Variants in PTPRD observed in about 807,000 individuals in gnomAD.
PTPRD encodes receptor-type tyrosine-protein phosphatase delta.
Under a neutral mutation model 214.5 loss-of-function variants are expected in PTPRD, and 34 were observed. That is an observed-to-expected ratio of 0.16 (90% CI 0.12 to 0.21). The LOEUF (loss-of-function observed/expected upper bound fraction) is 0.21, where lower values mean the gene tolerates loss of function less well. Among genes scored for constraint, PTPRD ranks in the 10% least tolerant of loss-of-function variants. The pLI is 1.00. For missense variants in PTPRD, 2,545 were observed against 2,398.7 expected (o/e 1.06, Z -1.27); for synonymous variants, 1,128 against 845.7 (o/e 1.33, Z -5.79).
intron 8 of PTPRD, among the ~76,000 whole-genome samples, chr9:9,430,235 A>C (rs2143012198): frequency 6.6e-6 from 1 of 152,304 alleles, no homozygotes; most frequent in South Asian, 2.1e-4. Flanking sequence ...TGCAAAAATC[A>C]CAAGCATTCC....
intron 11 of PTPRD, among the ~76,000 whole-genome samples, chr9:8,787,636 C>T (rs533170134): frequency 2.6e-5 from 4 of 152,078 alleles, no homozygotes; most frequent in South Asian, 2.1e-4. Context: ...GGTAGAGAAA[C>T]GGAGCAGGAG....
intron 11 of PTPRD, among the ~76,000 whole-genome samples, chr9:8,865,882 G>A (rs2098187805): frequency 6.6e-6 from 1 of 152,094 alleles, no homozygotes; most frequent in South Asian, 2.1e-4. Context: ...GAGTCTAACG[G>A]GAGTGGATGG....
At chr9:8,604,066 G>C (rs910101809) in intron 14 of PTPRD, among the ~76,000 whole-genome samples, 1 of 152,116 alleles carries the variant, frequency 6.6e-6, no homozygotes, top group Admixed American at 6.5e-5. Flanking sequence ...TCAGCTTCCA[G>C]CATATCATAC....
chr9:10,072,801 C>A (rs1369390653), intron 3 of PTPRD, among the ~76,000 whole-genome samples: 1 of 152,122 alleles, frequency 6.6e-6, no homozygotes, highest in Non-Finnish European at 1.5e-5. Context: ...TGCAAAGCTA[C>A]ATGAAGTCTT....
chr9:10,332,799 T>C (rs1014706994), intron 3 of PTPRD, among the ~76,000 whole-genome samples: 10 of 151,816 alleles, frequency 6.6e-5, no homozygotes, highest in Non-Finnish European at 1.3e-4. Flanking sequence ...AACCACTGTG[T>C]CATGAGCCTC....
intron 3 of PTPRD, among the ~76,000 whole-genome samples, chr9:10,177,727 G>T (rs756405932): frequency 1.3e-5 from 2 of 151,732 alleles, no homozygotes; most frequent in Non-Finnish European, 2.9e-5. Flanking sequence ...TTGAATTGGG[G>T]TATGTTCTTT....
At chr9:8,706,223 A>C (rs2154399801) in intron 12 of PTPRD, among the ~76,000 whole-genome samples, 1 of 152,328 alleles carries the variant, frequency 6.6e-6, no homozygotes, top group East Asian at 1.9e-4. Context: ...TGATCAAACC[A>C]AGCTTACTAC....
At chr9:8,689,796 TA>T (rs1262061350) in intron 12 of PTPRD, among the ~76,000 whole-genome samples, 2 of 152,190 alleles carry the variant, frequency 1.3e-5, no homozygotes, top group Admixed American at 1.3e-4. Flanking sequence ...GAAGAGGGAA[TA>T]CTTATTTGGA....
intron 2 of PTPRD, among the ~76,000 whole-genome samples, chr9:10,369,840 G>A (rs925993800): frequency 6.6e-6 from 1 of 151,898 alleles, no homozygotes; most frequent in African/African-American, 2.4e-5. Context: ...CTATCTCTCG[G>A]TTAAGTTTTA....
chr9:9,591,262 G>C (rs1424358271), intron 7 of PTPRD, among the ~76,000 whole-genome samples: 1 of 151,892 alleles, frequency 6.6e-6, no homozygotes, highest in Non-Finnish European at 1.5e-5. Context: ...CATATGGAAG[G>C]CATGAAAGGG....
intron 3 of PTPRD, among the ~76,000 whole-genome samples, chr9:10,306,885 G>A (rs2096088809): frequency 6.6e-6 from 1 of 151,914 alleles, no homozygotes; most frequent in Non-Finnish European, 1.5e-5. Flanking sequence ...ATCAAACTAT[G>A]TTTATACAAA....
At chr9:8,863,021 C>G (rs1379945300) in intron 11 of PTPRD, among the ~76,000 whole-genome samples, 2 of 152,098 alleles carry the variant, frequency 1.3e-5, no homozygotes, top group African/African-American at 2.4e-5. Flanking sequence ...ACGTATGTAA[C>G]TAACCTGCAC....
At chr9:9,248,552 T>TA (rs2099974051) in intron 9 of PTPRD, among the ~76,000 whole-genome samples, 2 of 152,078 alleles carry the variant, frequency 1.3e-5, no homozygotes, top group Non-Finnish European at 2.9e-5. Flanking sequence ...TCTGATGTCT[T>TA]AGAGTTTTAG....
At chr9:9,199,682 G>A (rs144166295) in intron 9 of PTPRD, among the ~76,000 whole-genome samples, 2 of 152,162 alleles carry the variant, frequency 1.3e-5, no homozygotes, top group African/African-American at 2.4e-5. Context: ...AATATGCCTA[G>A]AGTCACAGAG....
At chr9:10,112,268 G>C (rs556698952) in intron 3 of PTPRD, among the ~76,000 whole-genome samples, 1 of 152,266 alleles carries the variant, frequency 6.6e-6, no homozygotes, top group East Asian at 1.9e-4. Context: ...GGGTTTCTTG[G>C]AGCATGTGGT....
rs191099113 is a variant in PTPRD, at chr9:10,568,938, A to T, written c.-600+43460T>A. 4.2e-3 allele frequency among the ~76,000 whole-genome samples: 638 copies of T among 152,232 alleles called. 5 individuals carry two copies. Among genetic ancestry groups the T allele is most frequent in the African/African-American group, 0.015 (606 of 41,560 alleles). ...TTGACAAATGGGATCTAATTAAACT[A>T]AAGAGCTTCTGCACAGCAAAAGAAA... is the stretch of plus-strand genomic sequence containing the variant. On this transcript the variant is annotated intron_variant, in intron 2 of 45. Coordinates refer to ENST00000381196, the MANE Select transcript of PTPRD (RefSeq NM_002839.4).
At chr9:8,406,270 G>A (rs1193878323) in intron 35 of PTPRD, among the ~76,000 whole-genome samples, 3 of 152,258 alleles carry the variant, frequency 2.0e-5, no homozygotes, top group South Asian at 2.1e-4. Context: ...CCTGGTGGAA[G>A]CCTTCAAGTC....
At chr9:10,581,235 C>T (rs915875390) in intron 2 of PTPRD, among the ~76,000 whole-genome samples, 1 of 152,040 alleles carries the variant, frequency 6.6e-6, no homozygotes, top group Non-Finnish European at 1.5e-5. Context: ...AGTATTTGTT[C>T]AACAAATGAA....
At chr9:10,069,773 AC>A (rs1413801860) in intron 3 of PTPRD, among the ~76,000 whole-genome samples, 3 of 152,088 alleles carry the variant, frequency 2.0e-5, no homozygotes, top group African/African-American at 7.2e-5. Flanking sequence ...ATACACTTTG[AC>A]AATTATGACA....
Sources: allele counts gnomAD v4.1 joint callset (sites outside exome capture counted in the v4.1 genomes callset), GRCh38; gene constraint gnomAD v4.1.1; transcripts MANE v1.5; gene names NCBI Gene and HGNC (gene_info 2026-07-23, HGNC 2026-07-21).